Variants in STAU2 observed in about 807,000 individuals in gnomAD.
The protein encoded by STAU2 is staufen double-stranded RNA binding protein 2, also known as double-stranded RNA-binding protein Staufen homolog 2.
Under a neutral mutation model 65.9 loss-of-function variants are expected in STAU2, and 20 were observed. The observed-to-expected ratio is 0.30, with a 90% CI of 0.21 to 0.44. The LOEUF (loss-of-function observed/expected upper bound fraction) is 0.44, where lower values mean the gene tolerates loss of function less well. Among genes scored for constraint, STAU2 ranks in the 20% least tolerant of loss-of-function variants. The pLI is 1.00. For missense variants in STAU2, 558 were observed against 683.9 expected, an observed-to-expected ratio of 0.82 and a Z score of 2.05; for synonymous variants, 232 against 233.9, an observed-to-expected ratio of 0.99 and a Z score of 0.07.
chr8:73,659,408 A>T (rs1343153378), intron 6 of STAU2, among the ~76,000 whole-genome samples: 1 of 151,964 alleles, frequency 6.6e-6, no homozygotes, highest in Non-Finnish European at 1.5e-5. Context: ...ATGGTGGCAC[A>T]TGCCTGTTGT....
intron 9 of STAU2, among the ~76,000 whole-genome samples, chr8:73,605,897 AC>A (rs1272789307): frequency 6.8e-6 from 1 of 146,132 alleles, no homozygotes; most frequent in Non-Finnish European, 1.5e-5. Flanking sequence ...ACACACACAC[AC>A]ACACACACAC....
chr8:73,422,249 T>A (rs1384645448), intron 14 of STAU2, among the ~76,000 whole-genome samples: 2 of 152,196 alleles, frequency 1.3e-5, no homozygotes, highest in African/African-American at 4.8e-5. Context: ...TTAGCAGGAA[T>A]GTGAGTGAAA....
chr8:73,438,700 T>A (rs754108757), intron 13 of STAU2, among the ~76,000 whole-genome samples: 4 of 152,198 alleles, frequency 2.6e-5, no homozygotes, highest in Non-Finnish European at 4.4e-5. Flanking sequence ...GGGTGACGCC[T>A]ACTACCTTGG....
chr8:73,548,253 T>TA (rs761335258), intron 13 of STAU2, among the ~76,000 whole-genome samples: 323 of 130,724 alleles, frequency 2.5e-3, no homozygotes, highest in Middle Eastern at 0.011. Context: ...TACCTTATTC[T>TA]AAAAAAAAAA....
intron 9 of STAU2, among the ~76,000 whole-genome samples, chr8:73,609,045 T>C (rs558983362): frequency 2.0e-5 from 3 of 152,010 alleles, no homozygotes; most frequent in Non-Finnish European, 4.4e-5. Flanking sequence ...TGCCAGTCAC[T>C]GAGATAAAGA....
intron 6 of STAU2, chr8:73,653,864 C>T (rs547491246): frequency 6.9e-6 from 3 of 436,046 alleles, no homozygotes; most frequent in African/African-American, 6.2e-5. Context: ...TACCATGGAA[C>T]ATCTTATAAC....
intron 9 of STAU2, among the ~76,000 whole-genome samples, chr8:73,611,973 G>C (rs544611464): frequency 6.6e-6 from 1 of 152,072 alleles, no homozygotes; most frequent in Admixed American, 6.6e-5. Flanking sequence ...ATGAGCCACC[G>C]TGCCCAGCCT....
At chr8:73,663,340 A>C (rs1816980878) in intron 6 of STAU2, among the ~76,000 whole-genome samples, 2 of 152,298 alleles carry the variant, frequency 1.3e-5, no homozygotes, top group African/African-American at 4.8e-5. Flanking sequence ...AAATGTAAAA[A>C]ACATTACTTA....
In STAU2 at chr8:73,712,595, A is replaced by G. The variant is rs143256789; in HGVS notation, c.-17-3433T>C. Among the ~76,000 whole-genome samples the G allele has an allele frequency of 1.6e-4, 25 of 152,346 alleles. No homozygotes were observed. The East Asian group carries it at 4.8e-3, about 29-fold the overall frequency. On this transcript the variant is annotated intron_variant, in intron 3 of 14. Transcript: ENST00000524300. ...ACATAAAAAGTCATGAAAAAAGTTT[A>G]TAAAACTAAGTAAAAATATTCTTAG...
chr8:73,630,236 A>G (rs1813986994), intron 6 of STAU2, among the ~76,000 whole-genome samples: 1 of 152,258 alleles, frequency 6.6e-6, no homozygotes, highest in South Asian at 2.1e-4. Flanking sequence ...TGCTGCAGAT[A>G]CGCAAGGTAT....
intron 11 of STAU2, among the ~76,000 whole-genome samples, chr8:73,584,784 T>A (rs1268635568): frequency 6.6e-6 from 1 of 152,150 alleles, no homozygotes; most frequent in African/African-American, 2.4e-5. Context: ...ACGGCCAGGA[T>A]GGAAAGGACT....
intron 6 of STAU2, among the ~76,000 whole-genome samples, chr8:73,665,711 A>G (rs1288856191): frequency 1.3e-5 from 2 of 152,168 alleles, no homozygotes; most frequent in Admixed American, 1.3e-4. Context: ...CACTGCTGGT[A>G]CAAATACAGT....
intron 1 of STAU2, 36 bp from the exon 2 acceptor site, chr8:73,739,904 C>G (rs1419042985): frequency 1.3e-6 from 1 of 777,872 alleles, no homozygotes; most frequent in South Asian, 1.5e-5. Flanking sequence ...AATGAGATAC[C>G]ACTTCCAAGA....
chr8:73,718,427 A>G (rs1821407592), intron 3 of STAU2, among the ~76,000 whole-genome samples: 1 of 152,232 alleles, frequency 6.6e-6, no homozygotes, highest in Non-Finnish European at 1.5e-5. Flanking sequence ...AAGCACAAAC[A>G]TGCAAAAAAT....
chr8:73,544,896 T>G (rs1426600157), intron 13 of STAU2, among the ~76,000 whole-genome samples: 1 of 152,180 alleles, frequency 6.6e-6, no homozygotes, highest in Non-Finnish European at 1.5e-5. Context: ...TTCTGCATAT[T>G]GATTTTATTT....
chr8:73,726,318 T>A (rs565174225), intron 3 of STAU2, among the ~76,000 whole-genome samples: 1 of 152,282 alleles, frequency 6.6e-6, no homozygotes, highest in Non-Finnish European at 1.5e-5. Flanking sequence ...AGACTACACA[T>A]TGAGTACAGT....
intron 13 of STAU2, among the ~76,000 whole-genome samples, chr8:73,483,460 C>T (rs1222642620): frequency 1.3e-5 from 2 of 152,034 alleles, no homozygotes; most frequent in Non-Finnish European, 2.9e-5. Flanking sequence ...AATGAATTTT[C>T]TTGATATTGA....
Position 73,469,496 on chromosome 8 carries a change from T to C in STAU2, c.1531-46794A>G, listed in dbSNP as rs964646721. Among the ~76,000 whole-genome samples the C allele has an allele frequency of 9.4e-5, 14 of 149,096 alleles. 1 individual carries two copies. Among genetic ancestry groups the C allele is most frequent in the Admixed American group, 9.4e-4 (14 of 14,962 alleles). On this transcript the variant is annotated intron_variant, in intron 13 of 14. Transcript: ENST00000524300. ...TTTAAAAAAAAAAAAAGAAAGTGTG[T>C]CTGGATGGAGACTGAGTAGAAGGAC...
chr8:73,612,724 T>C (rs576763419), intron 9 of STAU2, among the ~76,000 whole-genome samples: 1 of 152,316 alleles, frequency 6.6e-6, no homozygotes, highest in Admixed American at 6.5e-5. Flanking sequence ...CCTGTAAAAA[T>C]ACCTAAATTG....
Sources: allele counts gnomAD v4.1 joint callset (sites outside exome capture counted in the v4.1 genomes callset), GRCh38; gene constraint gnomAD v4.1.1; transcripts MANE v1.5; gene names NCBI Gene and HGNC (gene_info 2026-07-23, HGNC 2026-07-21).